Variants in ANO4 observed in about 807,000 individuals in gnomAD.
ANO4 encodes anoctamin 4.
In ANO4, 69 loss-of-function variants were observed where a neutral mutation model predicts 141.9. The observed-to-expected ratio is 0.49, with a 90% confidence interval of 0.40 to 0.59. The LOEUF (loss-of-function observed/expected upper bound fraction) is 0.59, where lower values mean the gene tolerates loss of function less well. ANO4 is among the 20% of genes least tolerant of loss of function. The probability of loss-of-function intolerance (pLI) is 0.00; values close to 1 mark genes in which losing one functional copy is unlikely to be tolerated. For synonymous variants in ANO4, 350 were observed against 394.3 expected, an observed-to-expected ratio of 0.89 and a Z score of 1.33; for missense variants, 894 against 1,162.2, an observed-to-expected ratio of 0.77 and a Z score of 3.36.
intron 2 of ANO4, among the ~76,000 whole-genome samples, chr12:100,736,783 A>T (rs1211640906): frequency 6.6e-6 from 1 of 152,130 alleles, no homozygotes; most frequent in Non-Finnish European, 1.5e-5. Flanking sequence ...GAGCTGTGTG[A>T]TGGCAGAGGC....
chr12:100,939,440 G>A lies in ANO4; in HGVS notation c.286G>A (p.Ala96Thr). The A allele has an allele frequency of 1.2e-6, 2 of 1,613,464 alleles. No homozygotes were observed. Among genetic ancestry groups the A allele is most frequent in the Non-Finnish European group, 1.7e-6 (2 of 1,179,540 alleles). Residue 96 changes from alanine to threonine, a missense_variant, in exon 4 of 28, where the codon GCC (alanine) becomes ACC (threonine). Around this residue, in one of 2 missense-constraint regions of ANO4, gnomAD observed 257 missense variants for 253.0 expected, o/e 1.02. Coordinates refer to ENST00000392977, the MANE Select transcript of ANO4 (RefSeq NM_001286615.2). Reference protein sequence around the residue: ...STSDDASRLEAGGETVPERNK... With the variant: ...STSDDASRLETGGETVPERNK... ...TTCAGATGATGCCAGCAGATTGGAA[G>A]CCGGGGGAGAGGTAAGAGTATATGA...
At chr12:100,777,330 G>C (rs914308741) in intron 3 of ANO4, among the ~76,000 whole-genome samples, 13 of 146,050 alleles carry the variant, frequency 8.9e-5, no homozygotes, top group African/African-American at 3.1e-4. Context: ...TGTGGGCCGG[G>C]CTGGTCTCGA....
chr12:100,744,536 C>A (rs2032016982), intron 3 of ANO4, among the ~76,000 whole-genome samples: 2 of 152,082 alleles, frequency 1.3e-5, no homozygotes, highest in Admixed American at 6.5e-5. Flanking sequence ...CTAATCACCT[C>A]CCAAAGTCCC....
At chr12:100,801,874 G>A (rs2034718015) in intron 1 of ANO4, among the ~76,000 whole-genome samples, 1 of 152,172 alleles carries the variant, frequency 6.6e-6, no homozygotes, top group African/African-American at 2.4e-5. Flanking sequence ...ATAGTTAATA[G>A]GGTCTGGAAA....
chr12:100,812,766 C>T (rs964075136), intron 1 of ANO4, among the ~76,000 whole-genome samples: 1 of 152,158 alleles, frequency 6.6e-6, no homozygotes, highest in Non-Finnish European at 1.5e-5. Flanking sequence ...TCCCAGGAGT[C>T]CCTATGAAGA....
chr12:100,768,825 A>T (rs2135546496), intron 3 of ANO4, among the ~76,000 whole-genome samples: 1 of 152,336 alleles, frequency 6.6e-6, no homozygotes, highest in East Asian at 1.9e-4. Context: ...AGTTGATATC[A>T]CAGTTAGACC....
chr12:100,798,856 T>G (rs917946268), intron 1 of ANO4, among the ~76,000 whole-genome samples: 3 of 152,254 alleles, frequency 2.0e-5, no homozygotes, highest in Non-Finnish European at 2.9e-5. Flanking sequence ...ATAGAAATCT[T>G]TAACCCTTAA....
intron 15 of ANO4, among the ~76,000 whole-genome samples, chr12:101,082,022 G>A (rs1300866089): frequency 1.3e-5 from 2 of 152,182 alleles, no homozygotes; most frequent in Non-Finnish European, 2.9e-5. Flanking sequence ...TTTGGGGGAA[G>A]CAAGACACAA....
At chr12:100,718,271 T>A (rs2136707016) in intron 1 of ANO4, among the ~76,000 whole-genome samples, 1 of 152,350 alleles carries the variant, frequency 6.6e-6, no homozygotes, top group East Asian at 1.9e-4. Flanking sequence ...AGGCTTCTTA[T>A]CAACGTTCTT....
intron 1 of ANO4, among the ~76,000 whole-genome samples, chr12:100,806,531 T>G (rs1482348346): frequency 6.2e-5 from 2 of 32,176 alleles, no homozygotes; most frequent in African/African-American, 2.0e-4. Flanking sequence ...TTCGTTTTTT[T>G]TTTTTTTTTT....
chr12:101,086,388 C>A (rs2049501079), intron 16 of ANO4, among the ~76,000 whole-genome samples: 1 of 152,044 alleles, frequency 6.6e-6, no homozygotes, highest in Non-Finnish European at 1.5e-5. Context: ...TCCATCTGCT[C>A]AATGTATATT....
chr12:100,955,394 G>T lies in ANO4; in HGVS notation c.456+12859G>T, dbSNP rs570055201. Among the ~76,000 whole-genome samples the T allele has an allele frequency of 3.9e-5, 6 of 152,306 alleles. 1 individual carries two copies. Among genetic ancestry groups the T allele is most frequent in the African/African-American group, 1.4e-4 (6 of 41,558 alleles). ...GCTCAGTCAGGGTTGTGGGCTGTGGGCCTCTTCACAGGCTGCCTAGGCTTT... is the reference window on the plus strand; with the variant it reads ...GCTCAGTCAGGGTTGTGGGCTGTGGTCCTCTTCACAGGCTGCCTAGGCTTT... On this transcript the variant is annotated intron_variant, in intron 5 of 27. Transcript: ENST00000392977.
rs543349111 is a variant in ANO4, at chr12:100,766,267, G to A, written c.358+26162G>A. On this transcript the variant is annotated intron_variant, in intron 3 of 29. Transcript: ENST00000644049. ...CTTATTTCTTTATGCTTTGATCTTA[G>A]TTCTGTCCTTTTGCTGACTTTGGGC... Among the ~76,000 whole-genome samples, 15 of 150,542 alleles carry A rather than the reference G, an allele frequency of 1.0e-4. No individual in the cohort carries two copies. In the South Asian group the frequency reaches 2.7e-3, roughly 27 times the overall value.
intron 5 of ANO4, among the ~76,000 whole-genome samples, chr12:100,954,027 C>T (rs2043080606): frequency 6.6e-6 from 1 of 152,108 alleles, no homozygotes. Context: ...CAAACACCTC[C>T]CTAACTTGTC....
At chr12:100,883,290 C>G (rs895053228) in intron 1 of ANO4, among the ~76,000 whole-genome samples, 7 of 152,212 alleles carry the variant, frequency 4.6e-5, no homozygotes, top group African/African-American at 1.7e-4. Context: ...AGTAGGAGAA[C>G]TTCTTTAAAG....
chr12:100,983,117 G>A (rs1174365008), intron 7 of ANO4, among the ~76,000 whole-genome samples: 1 of 152,204 alleles, frequency 6.6e-6, no homozygotes, highest in African/African-American at 2.4e-5. Flanking sequence ...AGACAGGAAT[G>A]TGTTTGTGGA....
At chr12:100,885,274 C>T (rs2039773633) in intron 1 of ANO4, among the ~76,000 whole-genome samples, 1 of 152,232 alleles carries the variant, frequency 6.6e-6, no homozygotes, top group Admixed American at 6.5e-5. Context: ...GCAGAGCCAT[C>T]ATTCTGTCTA....
At chr12:100,800,503 A>G (rs2034616401) in intron 1 of ANO4, among the ~76,000 whole-genome samples, 1 of 152,348 alleles carries the variant, frequency 6.6e-6, no homozygotes, top group African/African-American at 2.4e-5. Flanking sequence ...CCATTGAGAA[A>G]TTCTTTTCGT....
chr12:100,799,753 A>AG (rs1292864394), intron 1 of ANO4, among the ~76,000 whole-genome samples: 1 of 152,186 alleles, frequency 6.6e-6, no homozygotes, highest in African/African-American at 2.4e-5. Flanking sequence ...AAAAACCAAA[A>AG]GGAACCTTAA....
Sources: gnomAD v4.1 joint callset for allele counts (sites outside exome capture counted in the v4.1 genomes callset) on GRCh38, gnomAD v4.1.1 for gene constraint, gnomAD v4.1.1 regional missense constraint, MANE v1.5 for transcripts, NCBI Gene and HGNC (gene_info 2026-07-23, HGNC 2026-07-21) for gene names.